The following ESRRG variants were observed in gnomAD, a reference collection of about 807,000 sequenced individuals.
ESRRG encodes estrogen-related receptor gamma.
ESRRG carries 13 observed loss-of-function variants against 44.0 expected under a neutral mutation model. That is an observed-to-expected ratio of 0.30 (90% CI 0.19 to 0.47). The LOEUF is 0.47. Among genes scored for constraint, ESRRG ranks in the 20% least tolerant of loss-of-function variants. ESRRG has a pLI of 1.00. For missense variants in ESRRG, 395 were observed against 580.6 expected (o/e 0.68, Z 3.29); for synonymous variants, 215 against 214.6 (o/e 1.00, Z -0.02).
chr1:216,990,475 T>G lies in ESRRG; in HGVS notation c.-105-50802A>C, dbSNP rs924681681. On this transcript the variant is annotated intron_variant, in intron 1 of 7. Coordinates refer to the ESRRG transcript ENST00000359162. Reference sequence around the variant, plus strand: ...TAGCAAAAAGAGTTAAAGAGTTAATTTCATATAGTGTTGACCCTTGAACAA... The same window carrying G: ...TAGCAAAAAGAGTTAAAGAGTTAATGTCATATAGTGTTGACCCTTGAACAA... Among the ~76,000 whole-genome samples the G allele has an allele frequency of 6.6e-5, 10 of 152,154 alleles. No individual in the cohort carries two copies. In the South Asian group the frequency reaches 1.5e-3, roughly 22 times the overall value.
At position 216,914,546 on chromosome 1, in the gene ESRRG, A is replaced by G. The variant is rs2060898544; in HGVS notation, c.-14+25036T>C. Among the ~76,000 whole-genome samples, 4 of 152,212 alleles carry G rather than the reference A, an allele frequency of 2.6e-5. No individual in the cohort carries two copies. The South Asian group carries it at 8.3e-4, about 32-fold the overall frequency. On this transcript the variant is annotated intron_variant, in intron 2 of 7. Transcript: ENST00000359162. The stretch of plus-strand genomic sequence containing the variant: ...AAAACATCTCAGTATGAAAAAAAAG[A>G]CTTTGACCATGTAAACATGTCCAAT...
Position 216,838,353 on chromosome 1 carries a change from A to G in ESRRG, c.-14+101229T>C, listed in dbSNP as rs562311535. 2.0e-5 allele frequency among the ~76,000 whole-genome samples: 3 copies of G among 152,334 alleles called. No homozygotes were observed. In the East Asian group the frequency reaches 5.8e-4, roughly 29 times the overall value. On this transcript the variant is annotated intron_variant, in intron 2 of 7. Coordinates refer to the ESRRG transcript ENST00000359162. ...TCTATAAAAGTGTTGTCTTTAGTAC[A>G]TGAAGATCACACCACTGACAGTTGG...
chr1:217,129,427 G>T (rs915514966), intron 1 of ESRRG, among the ~76,000 whole-genome samples: 1 of 152,124 alleles, frequency 6.6e-6, no homozygotes, highest in African/African-American at 2.4e-5. Flanking sequence ...AAGTATGGTT[G>T]GTTCCTAAAC....
intron 2 of ESRRG, among the ~76,000 whole-genome samples, chr1:216,816,278 C>T (rs1385774716): frequency 6.6e-6 from 1 of 152,164 alleles, no homozygotes; most frequent in East Asian, 1.9e-4. Context: ...TAACACATCT[C>T]ATAATTGTGG....
At chr1:216,813,710 G>T (rs1380020522) in intron 2 of ESRRG, among the ~76,000 whole-genome samples, 1 of 152,176 alleles carries the variant, frequency 6.6e-6, no homozygotes, top group Non-Finnish European at 1.5e-5. Flanking sequence ...GCTCAGACAG[G>T]TGGATATGCA....
intron 1 of ESRRG, among the ~76,000 whole-genome samples, chr1:216,711,449 T>C (rs1435533598): frequency 6.6e-6 from 1 of 152,174 alleles, no homozygotes; most frequent in Non-Finnish European, 1.5e-5. Flanking sequence ...AACGAATGAA[T>C]GTGAGGATGA....
At chr1:216,817,590 C>A (rs995676198) in intron 2 of ESRRG, among the ~76,000 whole-genome samples, 5 of 152,038 alleles carry the variant, frequency 3.3e-5, no homozygotes, top group African/African-American at 1.2e-4. Flanking sequence ...TCCTATTGGG[C>A]CGAGGGATTA....
At chr1:216,558,361 G>A (rs1485180127) in intron 5 of ESRRG, among the ~76,000 whole-genome samples, 1 of 152,112 alleles carries the variant, frequency 6.6e-6, no homozygotes, top group Admixed American at 6.6e-5. Flanking sequence ...GGACTAAATC[G>A]TTTAGACGCC....
chr1:216,611,945 G>T (rs1211294416), intron 3 of ESRRG, among the ~76,000 whole-genome samples: 1 of 152,172 alleles, frequency 6.6e-6, no homozygotes, highest in African/African-American at 2.4e-5. Context: ...GCTATGAGCA[G>T]GCAAGTGGCT....
chr1:216,580,524 A>T lies in ESRRG; in HGVS notation c.590-12426T>A, dbSNP rs191771783. Among the ~76,000 whole-genome samples the T allele has an allele frequency of 2.0e-5, 3 of 152,316 alleles. No homozygotes were observed. In the East Asian group the frequency reaches 5.8e-4, roughly 29 times the overall value. The stretch of plus-strand genomic sequence containing the variant: ...AGATATTAAGAAGAACTGACTAATG[A>T]GAGAATTATATTTAGATACTGAATA... On this transcript the variant is annotated intron_variant, in intron 3 of 6. Coordinates refer to ENST00000408911, the MANE Select transcript of ESRRG (RefSeq NM_001438.4).
chr1:217,087,941 C>G (rs2092183609), intron 1 of ESRRG, among the ~76,000 whole-genome samples: 1 of 152,054 alleles, frequency 6.6e-6, no homozygotes, highest in African/African-American at 2.4e-5. Flanking sequence ...TCAGGCATTC[C>G]TCAGCTCGGG....
At chr1:217,128,740 C>T (rs746343705) in intron 1 of ESRRG, among the ~76,000 whole-genome samples, 32 of 152,212 alleles carry the variant, frequency 2.1e-4, no homozygotes, top group Non-Finnish European at 3.7e-4. Context: ...ACTTTACATA[C>T]TCCCTGATAA....
intron 1 of ESRRG, among the ~76,000 whole-genome samples, chr1:217,034,709 C>T (rs1034675792): frequency 1.3e-5 from 2 of 152,132 alleles, no homozygotes; most frequent in Non-Finnish European, 2.9e-5. Context: ...GGTAGGGCAG[C>T]GTTGGTCCAC....
intron 2 of ESRRG, among the ~76,000 whole-genome samples, chr1:216,774,932 G>A (rs952840006): frequency 4.6e-5 from 7 of 151,116 alleles, no homozygotes; most frequent in Non-Finnish European, 2.9e-5. Context: ...CTCTTGAGTA[G>A]CTGGGACTAC....
intron 1 of ESRRG, among the ~76,000 whole-genome samples, chr1:217,077,613 A>T (rs1442376902): frequency 6.6e-6 from 1 of 152,238 alleles, no homozygotes; most frequent in Non-Finnish European, 1.5e-5. Context: ...ACTTAAACAG[A>T]TATATACAAG....
chr1:216,962,720 T>C (rs2069375946), intron 1 of ESRRG, among the ~76,000 whole-genome samples: 1 of 152,196 alleles, frequency 6.6e-6, no homozygotes, highest in South Asian at 2.1e-4. Context: ...CATTGAAATC[T>C]AATCACTTTA....
intron 2 of ESRRG, among the ~76,000 whole-genome samples, chr1:216,806,730 C>T (rs987364083): frequency 6.6e-6 from 1 of 152,098 alleles, no homozygotes. Context: ...CTTGAGGAAA[C>T]AAATCCCCTA....
At chr1:216,787,489 G>A (rs577312754) in intron 2 of ESRRG, among the ~76,000 whole-genome samples, 1 of 151,188 alleles carries the variant, frequency 6.6e-6, no homozygotes, top group South Asian at 2.1e-4. Flanking sequence ...TGTAGTCCCA[G>A]CTACTTGGGA....
intron 3 of ESRRG, among the ~76,000 whole-genome samples, chr1:216,627,441 T>A (rs74926947): frequency 1.2e-3 from 181 of 152,308 alleles, no homozygotes; most frequent in African/African-American, 3.9e-3. Flanking sequence ...CAGTCCTGTT[T>A]AGTTCTATTT....
Sources: gnomAD v4.1 joint callset for allele counts (sites outside exome capture counted in the v4.1 genomes callset) on GRCh38, gnomAD v4.1.1 for gene constraint, MANE v1.5 for transcripts, NCBI Gene and HGNC (gene_info 2026-07-23, HGNC 2026-07-21) for gene names.